CNOT4: variants seen among roughly 807,000 people sequenced by gnomAD.
CNOT4 encodes the protein CCR4-associated factor 4.
In CNOT4, 8 loss-of-function variants were observed where a neutral mutation model predicts 73.8. That is an observed-to-expected ratio of 0.11 (90% CI 0.06 to 0.20). CNOT4 has a LOEUF of 0.20. Ranked by LOEUF, CNOT4 falls within the 10% of genes least tolerant of loss-of-function variation. CNOT4 has a pLI of 1.00. For synonymous variants in CNOT4, 293 were observed against 321.1 expected (o/e 0.91, Z 0.94); for missense variants, 564 against 883.4 (o/e 0.64, Z 4.58).
At chr7:135,395,202 A>G (rs1299144452) in intron 9 of CNOT4, among the ~76,000 whole-genome samples, 5 of 152,126 alleles carry the variant, frequency 3.3e-5, no homozygotes, top group Admixed American at 3.3e-4. Context: ...TGGGCAGTAT[A>G]GCAAGACCCT....
At chr7:135,425,149 C>T (rs1397445272) in intron 2 of CNOT4, among the ~76,000 whole-genome samples, 1 of 152,086 alleles carries the variant, frequency 6.6e-6, no homozygotes, top group Non-Finnish European at 1.5e-5. Flanking sequence ...CCTCAACAGA[C>T]AGGGGAAAAG....
intron 1 of CNOT4, among the ~76,000 whole-genome samples, chr7:135,488,577 T>A (rs1188332970): frequency 1.3e-5 from 2 of 152,212 alleles, no homozygotes; most frequent in African/African-American, 4.8e-5. Flanking sequence ...TATAAAAATG[T>A]ACAAAATGTG....
chr7:135,370,622 T>C lies in CNOT4; in HGVS notation c.1628-6556A>G, dbSNP rs528876060. On this transcript the variant is annotated intron_variant, in intron 10 of 11. Coordinates refer to ENST00000541284, the MANE Select transcript of CNOT4 (RefSeq NM_001190850.2). ...CCTGATGGGGACATCCTGTACATTC[T>C]TCAGCATGTAGCTCAGTGTCTTAGA... Among the ~76,000 whole-genome samples, 7 of 152,362 alleles carry C rather than the reference T, an allele frequency of 4.6e-5. No individual in the cohort carries two copies. The South Asian group carries it at 1.4e-3, about 32-fold the overall frequency.
At chr7:135,406,848 A>T (rs1424265046) in intron 7 of CNOT4, among the ~76,000 whole-genome samples, 1 of 152,202 alleles carries the variant, frequency 6.6e-6, no homozygotes, top group Non-Finnish European at 1.5e-5. Context: ...ACTATACTTT[A>T]TAATAAAGGC....
chr7:135,371,285 TCCTGG>T (rs1391145235), intron 10 of CNOT4, among the ~76,000 whole-genome samples: 1 of 152,192 alleles, frequency 6.6e-6, no homozygotes, highest in African/African-American at 2.4e-5. Flanking sequence ...CCAGTCTGTG[TCCTGG>T]GCAGGACTCA....
intron 1 of CNOT4, among the ~76,000 whole-genome samples, chr7:135,495,550 C>T (rs1218669219): frequency 6.8e-6 from 1 of 146,470 alleles, no homozygotes; most frequent in African/African-American, 2.5e-5. Flanking sequence ...ATGGCATGCA[C>T]CTACAGTGCC....
In CNOT4 at chr7:135,425,846, C is replaced by T. The variant is rs116600104; in HGVS notation, c.175-3493G>A. On this transcript the variant is annotated intron_variant, in intron 2 of 11. Coordinates refer to ENST00000541284, the MANE Select transcript of CNOT4 (RefSeq NM_001190850.2). ...CTCCTCCATTACAATTCCTTCACTA[C>T]ACACACCACCATATATACCTACTGC... 2.4e-3 allele frequency among the ~76,000 whole-genome samples: 371 copies of T among 152,278 alleles called. 2 individuals carry two copies. The highest frequency in any genetic ancestry group is 8.2e-3 in the African/African-American group (340 of 41,554).
At chr7:135,485,905 G>A (rs1392673320) in intron 1 of CNOT4, among the ~76,000 whole-genome samples, 2 of 152,178 alleles carry the variant, frequency 1.3e-5, no homozygotes, top group Non-Finnish European at 2.9e-5. Flanking sequence ...CCAAAAGCAC[G>A]ATCCACAAAA....
chr7:135,382,234 T>G (rs1362477093), intron 10 of CNOT4, among the ~76,000 whole-genome samples: 1 of 152,068 alleles, frequency 6.6e-6, no homozygotes, highest in African/African-American at 2.4e-5. Context: ...AAAAACAGAG[T>G]AGAATCTTCT....
At chr7:135,483,282 G>A (rs1410704222) in intron 1 of CNOT4, among the ~76,000 whole-genome samples, 2 of 151,408 alleles carry the variant, frequency 1.3e-5, no homozygotes, top group East Asian at 3.9e-4. Flanking sequence ...AGGCTACAGT[G>A]AGCCATAATC....
chr7:135,469,821 T>G (rs1246365861), intron 1 of CNOT4, among the ~76,000 whole-genome samples: 1 of 137,956 alleles, frequency 7.2e-6, no homozygotes, highest in Non-Finnish European at 1.5e-5. Flanking sequence ...TGGGTTTTTT[T>G]GTTTGTTTGT....
At chr7:135,418,033 T>G (rs1409121156) in intron 3 of CNOT4, among the ~76,000 whole-genome samples, 7 of 152,198 alleles carry the variant, frequency 4.6e-5, no homozygotes, top group African/African-American at 1.7e-4. Context: ...CAGTATATGC[T>G]CAGTGTCTTA....
chr7:135,432,618 G>A (rs1485692869), intron 2 of CNOT4, among the ~76,000 whole-genome samples: 1 of 152,128 alleles, frequency 6.6e-6, no homozygotes, highest in African/African-American at 2.4e-5. Flanking sequence ...CCTTTCCCCA[G>A]GGGCTTCTCT....
intron 1 of CNOT4, among the ~76,000 whole-genome samples, chr7:135,457,820 T>C (rs1298770431): frequency 6.6e-6 from 1 of 152,112 alleles, no homozygotes; most frequent in African/African-American, 2.4e-5. Context: ...CCTATACAGA[T>C]ATCAAGAGCA....
At chr7:135,388,499 A>T in intron 10 of CNOT4, 1 of 1,012,956 alleles carries the variant, frequency 9.9e-7, no homozygotes, top group Non-Finnish European at 1.2e-6. Context: ...AATAACAACA[A>T]TTCTAGCTAA....
intron 1 of CNOT4, among the ~76,000 whole-genome samples, chr7:135,497,836 T>C (rs1244181956): frequency 3.9e-5 from 6 of 152,376 alleles, no homozygotes; most frequent in South Asian, 2.1e-4. Context: ...TATATTTCTA[T>C]GTGGTCAAGT....
intron 10 of CNOT4, among the ~76,000 whole-genome samples, chr7:135,383,882 C>T (rs1403158078): frequency 1.3e-5 from 2 of 151,974 alleles, no homozygotes; most frequent in African/African-American, 4.9e-5. Flanking sequence ...CAAGATTATA[C>T]ATTTCAATGT....
At chr7:135,495,543 G>C (rs1803434660) in intron 1 of CNOT4, among the ~76,000 whole-genome samples, 1 of 147,730 alleles carries the variant, frequency 6.8e-6, no homozygotes. Flanking sequence ...GAATGTGATG[G>C]CATGCACCTA....
chr7:135,401,601 T>C (rs1797006536), intron 7 of CNOT4, among the ~76,000 whole-genome samples: 2 of 152,202 alleles, frequency 1.3e-5, no homozygotes, highest in African/African-American at 4.8e-5. Context: ...AAACCATTTG[T>C]ACAGCAAAAA....
Sources: gnomAD v4.1 joint callset for allele counts (sites outside exome capture counted in the v4.1 genomes callset) on GRCh38, gnomAD v4.1.1 for gene constraint, MANE v1.5 for transcripts, NCBI Gene and HGNC (gene_info 2026-07-23, HGNC 2026-07-21) for gene names.